The following CADM1 variants were observed in gnomAD, a reference collection of about 807,000 sequenced individuals.
CADM1 encodes the protein TSLC-1.
In CADM1, 15 loss-of-function variants were observed where a neutral mutation model predicts 53.1. The ratio of observed to expected loss-of-function variants is 0.28; its 90% CI spans 0.19 to 0.44. The LOEUF is 0.44. CADM1 is among the 20% of genes least tolerant of loss of function. The pLI is 1.00. For missense variants in CADM1, 434 were observed against 611.3 expected (o/e 0.71, Z 3.06); for synonymous variants, 281 against 243.0 (o/e 1.16, Z -1.45).
chr11:115,429,951 G>T (rs1948001609), intron 1 of CADM1, among the ~76,000 whole-genome samples: 1 of 151,938 alleles, frequency 6.6e-6, no homozygotes, highest in South Asian at 2.1e-4. Context: ...GGGCGTGAGG[G>T]GGGATGAAAT....
At chr11:115,233,152 G>A (rs567502036) in intron 3 of CADM1, among the ~76,000 whole-genome samples, 8 of 152,212 alleles carry the variant, frequency 5.3e-5, no homozygotes, top group South Asian at 2.1e-4. Context: ...TGGTGGTGGC[G>A]GGGGGTGTAA....
At chr11:115,394,113 A>G (rs996970852) in intron 1 of CADM1, among the ~76,000 whole-genome samples, 1 of 152,186 alleles carries the variant, frequency 6.6e-6, no homozygotes, top group African/African-American at 2.4e-5. Flanking sequence ...ATCTAGATCT[A>G]CAGACTTAAC....
intron 1 of CADM1, 71 bp downstream of exon 1, chr11:115,504,200 C>A: frequency 6.5e-7 from 1 of 1,549,250 alleles, no homozygotes; most frequent in Non-Finnish European, 8.7e-7. Context: ...AAACGTTTCC[C>A]CCCTCTGTGG....
chr11:115,213,026 C>T, intron 7 of CADM1, among the ~76,000 whole-genome samples: 1 of 152,170 alleles, frequency 6.6e-6, no homozygotes. Context: ...AACTGTTTAT[C>T]CAGATAACTT....
At chr11:115,233,151 C>CG (rs1412624623) in intron 3 of CADM1, among the ~76,000 whole-genome samples, 3 of 152,044 alleles carry the variant, frequency 2.0e-5, no homozygotes, top group Middle Eastern at 3.4e-3. Context: ...GTGGTGGTGG[C>CG]GGGGGGTGTA....
At chr11:115,200,553 C>T (rs769455147) in intron 8 of CADM1, among the ~76,000 whole-genome samples, 1 of 152,010 alleles carries the variant, frequency 6.6e-6, no homozygotes, top group African/African-American at 2.4e-5. Context: ...TGGAGAGCAA[C>T]GGCGTGATCT....
chr11:115,464,783 A>G (rs1455015986), intron 1 of CADM1, among the ~76,000 whole-genome samples: 3 of 152,242 alleles, frequency 2.0e-5, no homozygotes, highest in East Asian at 1.9e-4. Flanking sequence ...CTTCTCAACC[A>G]CATAGGCCAA....
At chr11:115,214,587 G>C in intron 7 of CADM1, 21 bp downstream of exon 7, 1 of 1,600,892 alleles carries the variant, frequency 6.2e-7, no homozygotes, top group South Asian at 1.1e-5. Flanking sequence ...TAGTAGAAGA[G>C]CATTTTATCT....
intron 1 of CADM1, among the ~76,000 whole-genome samples, chr11:115,309,014 C>A (rs1944464758): frequency 6.6e-6 from 1 of 152,038 alleles, no homozygotes; most frequent in Non-Finnish European, 1.5e-5. Flanking sequence ...AACATTTAAG[C>A]AAGATGTAAA....
chr11:115,284,102 CTCTCTCTCTCTCTGTGTG>C (rs919748639), intron 1 of CADM1, among the ~76,000 whole-genome samples: 4 of 134,422 alleles, frequency 3.0e-5, no homozygotes, highest in African/African-American at 8.9e-5. Flanking sequence ...CTCTCTCTCT[CTCTCTCTCTCTCTGTGTG>C]TGTGTGTGTG....
rs980426096 is a variant in CADM1 at position 115,334,548 on chromosome 11, T to C, written c.125-94128A>G. On this transcript the variant is annotated intron_variant, in intron 1 of 11. Coordinates refer to ENST00000331581, the MANE Select transcript of CADM1 (RefSeq NM_001301043.2). ...ACAGCATATTGATATAATTGTTTTA[T>C]TGTTGTTGTTAATCTCTTATTGTGC... Among the ~76,000 whole-genome samples the C allele has an allele frequency of 7.2e-5, 11 of 152,232 alleles. No individual in the cohort carries two copies. In the East Asian group the frequency reaches 1.2e-3, roughly 16 times the overall value.
intron 1 of CADM1, among the ~76,000 whole-genome samples, chr11:115,413,292 C>T (rs748527930): frequency 6.6e-5 from 10 of 152,200 alleles, no homozygotes; most frequent in South Asian, 2.1e-4. Flanking sequence ...ATTATTACTT[C>T]GTTGACAACA....
intron 1 of CADM1, among the ~76,000 whole-genome samples, chr11:115,280,755 G>A (rs916303048): frequency 1.3e-5 from 2 of 152,222 alleles, no homozygotes; most frequent in African/African-American, 4.8e-5. Context: ...CAACATTGCT[G>A]ACCAGGCTGG....
At chr11:115,407,075 A>G (rs1485850207) in intron 1 of CADM1, among the ~76,000 whole-genome samples, 3 of 152,092 alleles carry the variant, frequency 2.0e-5, no homozygotes, top group East Asian at 1.9e-4. Context: ...ATATCACACT[A>G]AAGTATTAAG....
chr11:115,213,194 C>T (rs1479401546), intron 7 of CADM1, among the ~76,000 whole-genome samples: 1 of 152,118 alleles, frequency 6.6e-6, no homozygotes, highest in African/African-American at 2.4e-5. Context: ...GTGAAGAGAG[C>T]ACATGCAGAA....
chr11:115,178,920 TG>T lies in CADM1; in HGVS notation c.1166-146del. ...ACAATCGAGATGGATCAAGTTACAC[TG>T]AGGTAACAGGCTGACCTGTCCAGTG... is the stretch of plus-strand genomic sequence containing the variant. On this transcript the variant is annotated intron_variant, in intron 10 of 11. Transcript: ENST00000331581. 1.4e-5 allele frequency: 12 copies of T among 870,486 alleles called. No homozygotes were observed. In the South Asian group the frequency reaches 1.6e-4, roughly 11 times the overall value. 53.9% of individuals were successfully genotyped at this position (870,486 alleles called of 1,614,324 possible). A position where few individuals can be genotyped will look rare whatever the true frequency, so the allele number is the denominator to read the frequency against.
chr11:115,209,398 T>C (rs1940841610), intron 8 of CADM1, among the ~76,000 whole-genome samples, 176 bp downstream of exon 8: 1 of 152,220 alleles, frequency 6.6e-6, no homozygotes, highest in Admixed American at 6.5e-5. Context: ...TGCTGGGATG[T>C]TTCTGAGGTC....
At position 115,259,679 on chromosome 11, in the gene CADM1, T is replaced by C. The variant is rs1239028427; in HGVS notation, c.125-19259A>G. 2.0e-5 allele frequency among the ~76,000 whole-genome samples: 3 copies of C among 152,178 alleles called. No individual in the cohort carries two copies. In the East Asian group the frequency reaches 5.8e-4, roughly 29 times the overall value. ...AGCAGAGCTACGGTCTCTACCTCTC[T>C]GTTAGGAGTCTACTTCCTTAACGTT... On this transcript the variant is annotated intron_variant, in intron 1 of 11. Transcript: ENST00000331581.
chr11:115,429,287 A>C (rs1947977666), intron 1 of CADM1, among the ~76,000 whole-genome samples: 1 of 152,174 alleles, frequency 6.6e-6, no homozygotes, highest in South Asian at 2.1e-4. Flanking sequence ...CCCATATAAC[A>C]GTCTATATGC....
Sources: gnomAD v4.1 joint callset for allele counts (sites outside exome capture counted in the v4.1 genomes callset) on GRCh38, gnomAD v4.1.1 for gene constraint, MANE v1.5 for transcripts, NCBI Gene and HGNC (gene_info 2026-07-23, HGNC 2026-07-21) for gene names.